GALNT13: variants seen among roughly 807,000 people sequenced by gnomAD.
GALNT13 encodes polypeptide N-acetylgalactosaminyltransferase 13.
A neutral mutation model predicts 64.2 loss-of-function variants in GALNT13; 28 were observed. That is an observed-to-expected ratio of 0.44 (90% CI 0.32 to 0.60). The LOEUF (loss-of-function observed/expected upper bound fraction) is 0.60. Among genes scored for constraint, GALNT13 ranks in the 20% least tolerant of loss-of-function variants. The pLI, the probability that GALNT13 is intolerant of heterozygous loss-of-function variation, is 0.05. For missense variants in GALNT13, 577 were observed against 669.8 expected, an observed-to-expected ratio of 0.86 and a Z score of 1.53; for synonymous variants, 214 against 224.6, an observed-to-expected ratio of 0.95 and a Z score of 0.42.
At chr2:154,220,505 T>C (rs2105820791) in intron 4 of GALNT13, among the ~76,000 whole-genome samples, 1 of 152,218 alleles carries the variant, frequency 6.6e-6, no homozygotes, top group Admixed American at 6.6e-5. Context: ...TGACTTTCTG[T>C]TCATTTTCAC....
intron 9 of GALNT13, among the ~76,000 whole-genome samples, chr2:154,391,901 G>A (rs1361374023): frequency 1.3e-5 from 2 of 152,148 alleles, no homozygotes; most frequent in Admixed American, 6.5e-5. Context: ...ACAGACCTAG[G>A]AAGATGAGAG....
At chr2:153,330,570 A>G in the GALNT13 span, among the ~76,000 whole-genome samples, 4 of 151,678 alleles carry the variant, frequency 2.6e-5, no homozygotes. Flanking sequence ...CTAAGCTTGA[A>G]CATTATTAAT....
chr2:153,401,079 C>A, the GALNT13 span, among the ~76,000 whole-genome samples: 3 of 152,034 alleles, frequency 2.0e-5, 1 homozygote, highest in African/African-American at 7.2e-5. Flanking sequence ...ATAAATTTCC[C>A]TCTACACACT....
the GALNT13 span, among the ~76,000 whole-genome samples, chr2:153,255,351 G>A: frequency 2.2e-5 from 3 of 137,426 alleles, no homozygotes; most frequent in Non-Finnish European, 4.7e-5. Context: ...TTTATTTTGA[G>A]CCTATGTGTG....
chr2:154,324,221 A>G (rs977592927), intron 9 of GALNT13, among the ~76,000 whole-genome samples: 1 of 151,688 alleles, frequency 6.6e-6, no homozygotes, highest in Non-Finnish European at 1.5e-5. Context: ...AATTTTTTTT[A>G]GAACATATTT....
the GALNT13 span, among the ~76,000 whole-genome samples, chr2:153,386,871 C>A: frequency 1.3e-5 from 2 of 152,084 alleles, no homozygotes; most frequent in Non-Finnish European, 2.9e-5. Context: ...TGAGGCGATG[C>A]CCTTCCTTTC....
At chr2:153,763,036 C>A in the GALNT13 span, among the ~76,000 whole-genome samples, 1 of 151,762 alleles carries the variant, frequency 6.6e-6, no homozygotes, top group South Asian at 2.1e-4. Context: ...TTTTATTATA[C>A]CCACATTTTA....
chr2:153,549,783 T>G, the GALNT13 span, among the ~76,000 whole-genome samples: 1 of 129,982 alleles, frequency 7.7e-6, no homozygotes, highest in East Asian at 2.5e-4. Flanking sequence ...TCCTATTTAG[T>G]GGACTAGATG....
At chr2:154,218,822 A>ATT (rs1334192203) in intron 4 of GALNT13, among the ~76,000 whole-genome samples, 1 of 151,970 alleles carries the variant, frequency 6.6e-6, no homozygotes, top group Admixed American at 6.6e-5. Flanking sequence ...TTTGTGAACA[A>ATT]TTGTCTGTTG....
the GALNT13 span, among the ~76,000 whole-genome samples, chr2:153,727,832 A>G: frequency 2.0e-5 from 3 of 152,044 alleles, no homozygotes; most frequent in Non-Finnish European, 4.4e-5. Flanking sequence ...GAGCCAATCA[A>G]CCCGTCATTC....
At chr2:153,297,228 CT>C in the GALNT13 span, among the ~76,000 whole-genome samples, 1 of 152,098 alleles carries the variant, frequency 6.6e-6, no homozygotes, top group Non-Finnish European at 1.5e-5. Flanking sequence ...AAGGCAGCTG[CT>C]TTTTTTCTTT....
chr2:154,139,597 G>A (rs1388735231), intron 3 of GALNT13, among the ~76,000 whole-genome samples: 4 of 147,430 alleles, frequency 2.7e-5, no homozygotes, highest in Non-Finnish European at 4.5e-5. Context: ...CTATATATTA[G>A]CATGCATACA....
the GALNT13 span, among the ~76,000 whole-genome samples, chr2:153,415,951 C>A: frequency 6.6e-6 from 1 of 152,182 alleles, no homozygotes; most frequent in Non-Finnish European, 1.5e-5. Flanking sequence ...GCAGCAGACA[C>A]AACCCATTTA....
intron 3 of GALNT13, among the ~76,000 whole-genome samples, chr2:153,995,319 ATTTAT>A (rs560989343): frequency 8.7e-4 from 132 of 152,262 alleles, no homozygotes; most frequent in African/African-American, 3.0e-3. Flanking sequence ...TAATTAAAAC[ATTTAT>A]TTTATGTTTA....
chr2:153,176,764 T>G, the GALNT13 span, among the ~76,000 whole-genome samples: 1 of 102,790 alleles, frequency 9.7e-6, no homozygotes, highest in African/African-American at 3.1e-5. Context: ...AGAAGTTGCC[T>G]GAGTTTAAAA....
intron 3 of GALNT13, among the ~76,000 whole-genome samples, chr2:154,011,701 A>G (rs1337494189): frequency 2.0e-5 from 3 of 152,150 alleles, no homozygotes; most frequent in African/African-American, 7.2e-5. Context: ...GTGGTTATCT[A>G]AGTCTTTTGT....
At chr2:154,130,826 C>A (rs1044774069) in intron 3 of GALNT13, among the ~76,000 whole-genome samples, 2 of 152,164 alleles carry the variant, frequency 1.3e-5, no homozygotes, top group Non-Finnish European at 2.9e-5. Context: ...TATTTTCTAT[C>A]TGCGGAATAA....
chr2:153,463,840 A>G, the GALNT13 span, among the ~76,000 whole-genome samples: 1 of 152,044 alleles, frequency 6.6e-6, no homozygotes, highest in African/African-American at 2.4e-5. Context: ...AGTTGTTCCA[A>G]AGTGGTATTT....
At chr2:153,971,330 C>T (rs1334888628) in intron 3 of GALNT13, among the ~76,000 whole-genome samples, 1 of 152,094 alleles carries the variant, frequency 6.6e-6, no homozygotes, top group Non-Finnish European at 1.5e-5. Flanking sequence ...CACTGCATGA[C>T]ATATTATGTT....
Sources: allele counts gnomAD v4.1 joint callset (sites outside exome capture counted in the v4.1 genomes callset), GRCh38; gene constraint gnomAD v4.1.1; transcripts MANE v1.5; gene names NCBI Gene and HGNC (gene_info 2026-07-23, HGNC 2026-07-21).